Variants in ACYP2 observed in about 807,000 individuals in gnomAD.
ACYP2 encodes the protein acylphosphatase 2.
ACYP2 carries 12 observed loss-of-function variants against 11.2 expected under a neutral mutation model. The observed-to-expected ratio is 1.08, with a 90% CI of 0.69 to 1.74. The LOEUF (loss-of-function observed/expected upper bound fraction) is 1.74, where lower values mean the gene tolerates loss of function less well. ACYP2 is among the 40% of genes most tolerant of loss of function. The pLI, the probability that ACYP2 is intolerant of heterozygous loss-of-function variation, is 0.00. For synonymous variants in ACYP2, 43 were observed against 32.2 expected, an observed-to-expected ratio of 1.33 and a Z score of -1.13; for missense variants, 134 against 101.9, an observed-to-expected ratio of 1.31 and a Z score of -1.35.
At chr2:54,129,166 C>A (rs987298664) in intron 4 of ACYP2, among the ~76,000 whole-genome samples, 29 of 152,140 alleles carry the variant, frequency 1.9e-4, no homozygotes, top group African/African-American at 6.8e-4. Flanking sequence ...ATGCACACAA[C>A]CAAACAGGTA....
chr2:54,017,025 C>G (rs1313737011), intron 2 of ACYP2, among the ~76,000 whole-genome samples: 2 of 152,004 alleles, frequency 1.3e-5, no homozygotes, highest in African/African-American at 4.8e-5. Flanking sequence ...GCGCCCGGCC[C>G]TTCAGTGTCT....
intron 2 of ACYP2, among the ~76,000 whole-genome samples, chr2:54,047,039 T>G (rs1314662809): frequency 2.0e-5 from 3 of 152,222 alleles, no homozygotes; most frequent in Admixed American, 6.5e-5. Flanking sequence ...CAGTAGATAT[T>G]ATTCGTGTTA....
At chr2:54,228,139 C>T (rs1344103410) in intron 6 of ACYP2, among the ~76,000 whole-genome samples, 1 of 152,180 alleles carries the variant, frequency 6.6e-6, no homozygotes, top group African/African-American at 2.4e-5. Flanking sequence ...TCCCTTATTA[C>T]TTTCTTTGGG....
chr2:54,285,928 T>G (rs1424002297), intron 6 of ACYP2, among the ~76,000 whole-genome samples: 1 of 152,194 alleles, frequency 6.6e-6, no homozygotes, highest in Non-Finnish European at 1.5e-5. Context: ...TCTGAAGGTA[T>G]GGAGTTGTCA....
At chr2:54,165,867 G>A (rs1179889255) in intron 6 of ACYP2, among the ~76,000 whole-genome samples, 5 of 152,030 alleles carry the variant, frequency 3.3e-5, no homozygotes, top group African/African-American at 9.7e-5. Context: ...AATGATTACC[G>A]GCCATTTTAC....
intron 2 of ACYP2, among the ~76,000 whole-genome samples, chr2:54,028,948 A>G (rs902905858): frequency 5.3e-5 from 8 of 152,174 alleles, no homozygotes; most frequent in African/African-American, 1.9e-4. Context: ...CATTGAGCTC[A>G]GCAGTTTGAG....
chr2:53,994,187 G>A lies in ACYP2; in HGVS notation c.62+20377G>A, dbSNP rs569339399. Among the ~76,000 whole-genome samples, 4 of 152,082 alleles carry A rather than the reference G, an allele frequency of 2.6e-5. No individual in the cohort carries two copies. The South Asian group carries it at 8.3e-4, about 32-fold the overall frequency. On this transcript the variant is annotated intron_variant, in intron 2 of 6. Transcript: ENST00000607452. Reference sequence around the variant, plus strand: ...CTACTAAAAATACAAAAAATTAGCTGGGCGTGGTGGCAGGCGCCTGTAGCC... The same window carrying A: ...CTACTAAAAATACAAAAAATTAGCTAGGCGTGGTGGCAGGCGCCTGTAGCC...
chr2:54,171,968 C>G (rs1683239025), intron 6 of ACYP2, among the ~76,000 whole-genome samples: 2 of 152,080 alleles, frequency 1.3e-5, no homozygotes, highest in South Asian at 4.1e-4. Flanking sequence ...AATCCTACCA[C>G]TTTAGGAGGT....
At chr2:53,978,824 G>C (rs960322817) in intron 2 of ACYP2, among the ~76,000 whole-genome samples, 22 of 152,198 alleles carry the variant, frequency 1.4e-4, no homozygotes, top group Non-Finnish European at 2.8e-4. Flanking sequence ...TCAGGAGTCT[G>C]AGGTGGGAGG....
intron 6 of ACYP2, among the ~76,000 whole-genome samples, chr2:54,163,491 G>C (rs187702592): frequency 7.4e-4 from 112 of 152,290 alleles, no homozygotes; most frequent in Non-Finnish European, 2.1e-4. Flanking sequence ...TATGAAGTCA[G>C]AGAGAAAGTC....
intron 6 of ACYP2, among the ~76,000 whole-genome samples, chr2:54,218,846 G>A (rs1400956360): frequency 3.9e-5 from 6 of 152,110 alleles, no homozygotes. Context: ...TTTTCTGGAG[G>A]TCTCTACAAA....
intron 6 of ACYP2, among the ~76,000 whole-genome samples, chr2:54,242,108 T>C (rs1558637069): frequency 6.6e-6 from 1 of 152,226 alleles, no homozygotes; most frequent in African/African-American, 2.4e-5. Flanking sequence ...GCTATGACTA[T>C]ATTGCATGCT....
intron 4 of ACYP2, among the ~76,000 whole-genome samples, chr2:54,127,321 T>C (rs528723491): frequency 6.6e-6 from 1 of 152,336 alleles, no homozygotes; most frequent in South Asian, 2.1e-4. Context: ...TAGTGCAGAC[T>C]ATACTTGTGA....
rs1332397770 is a variant in ACYP2 at position 54,300,402 on chromosome 2, G to T, written c.405-4286G>T. The stretch of plus-strand genomic sequence containing the variant: ...TCAGCCTTCTTCAGGAATTGCCTCA[G>T]CAGAAGAAAGTCACCTCACTAGAGT... On this transcript the variant is annotated intron_variant, in intron 6 of 6. Transcript: ENST00000607452. Among the ~76,000 whole-genome samples, 3 of 152,198 alleles carry T rather than the reference G, an allele frequency of 2.0e-5. No individual in the cohort carries two copies. The East Asian group carries it at 5.8e-4, about 29-fold the overall frequency.
At chr2:54,035,020 A>AAAAAAAAT (rs1198146532) in intron 2 of ACYP2, among the ~76,000 whole-genome samples, 1 of 120,934 alleles carries the variant, frequency 8.3e-6, no homozygotes, top group African/African-American at 3.6e-5. Context: ...AAAAAAAAAA[A>AAAAAAAAT]AAAAAAAAAA....
At chr2:54,247,810 T>C (rs532545177) in intron 6 of ACYP2, among the ~76,000 whole-genome samples, 4 of 152,344 alleles carry the variant, frequency 2.6e-5, no homozygotes, top group East Asian at 1.9e-4. Flanking sequence ...TGGAGTCAGA[T>C]AGACTTGGGT....
chr2:54,245,190 A>T (rs891806755), intron 6 of ACYP2, among the ~76,000 whole-genome samples: 1 of 152,046 alleles, frequency 6.6e-6, no homozygotes, highest in Non-Finnish European at 1.5e-5. Context: ...AGTCCCATCC[A>T]TGTTGCAGGA....
At chr2:54,267,590 A>C (rs1437167833) in intron 6 of ACYP2, among the ~76,000 whole-genome samples, 1 of 152,188 alleles carries the variant, frequency 6.6e-6, no homozygotes, top group Admixed American at 6.5e-5. Context: ...GGGTAACAAA[A>C]ATTTAAAGAT....
chr2:54,247,600 CAT>C (rs1325021036), intron 6 of ACYP2, among the ~76,000 whole-genome samples: 3 of 152,108 alleles, frequency 2.0e-5, no homozygotes, highest in African/African-American at 7.2e-5. Flanking sequence ...AAATGGAAAA[CAT>C]AAACAATTAC....
Sources: gnomAD v4.1 joint callset for allele counts (sites outside exome capture counted in the v4.1 genomes callset) on GRCh38, gnomAD v4.1.1 for gene constraint, MANE v1.5 for transcripts, NCBI Gene and HGNC (gene_info 2026-07-23, HGNC 2026-07-21) for gene names.